The following UTRN variants were observed in gnomAD, a reference collection of about 807,000 sequenced individuals.
UTRN encodes dystrophin-related protein 1.
UTRN carries 283 observed loss-of-function variants against 463.9 expected under a neutral mutation model. The ratio of observed to expected loss-of-function variants is 0.61; its 90% confidence interval spans 0.55 to 0.67. The LOEUF (loss-of-function observed/expected upper bound fraction) is 0.67, where lower values mean the gene tolerates loss of function less well. UTRN is among the 30% of genes least tolerant of loss of function. The pLI is 0.00. For synonymous variants in UTRN, 1,442 were observed against 1,431.5 expected, an observed-to-expected ratio of 1.01 and a Z score of -0.17; for missense variants, 3,922 against 4,084.3, an observed-to-expected ratio of 0.96 and a Z score of 1.08.
At chr6:144,361,768 C>CTTT (rs200737117) in intron 2 of UTRN, among the ~76,000 whole-genome samples, 2 of 138,700 alleles carry the variant, frequency 1.4e-5, no homozygotes, top group African/African-American at 5.7e-5. Context: ...TTCTTTCTTT[C>CTTT]TTTCTTTTTT....
At chr6:144,353,289 T>C (rs773798639) in intron 2 of UTRN, among the ~76,000 whole-genome samples, 3 of 152,162 alleles carry the variant, frequency 2.0e-5, no homozygotes, top group Non-Finnish European at 4.4e-5. Flanking sequence ...TAATTTTTTG[T>C]ATTTTTAGTA....
chr6:144,755,855 T>C (rs1355716345), intron 57 of UTRN, among the ~76,000 whole-genome samples: 1 of 152,152 alleles, frequency 6.6e-6, no homozygotes, highest in Non-Finnish European at 1.5e-5. Context: ...TTTTTGTCAC[T>C]CTTGATAAAC....
At position 144,458,891 on chromosome 6, in the gene UTRN, T is replaced by C; in HGVS notation, c.2406T>C (p.Ala802=). ...RKIQLQEDIN[A]YFKQLDELEK... is the part of the protein sequence containing the mutation. ...TTCAGCTACAGGAAGATATAAATGC[T>C]TATTTCAAGCAGCTTGATGAGCTTG... The change falls in exon 20 of 75, where the codon GCT becomes GCC. Residue 802 remains alanine, a synonymous_variant. Transcript: ENST00000367545. 6.2e-7 allele frequency: 1 copy of C among 1,613,934 alleles called. No homozygotes were observed. The highest frequency in any genetic ancestry group is 8.5e-7 in the Non-Finnish European group (1 of 1,179,990).
chr6:144,587,244 T>C (rs985570911), intron 51 of UTRN, among the ~76,000 whole-genome samples: 8 of 152,284 alleles, frequency 5.3e-5, no homozygotes, highest in African/African-American at 1.9e-4. Context: ...TCTCAAAGTC[T>C]TCCCCGGAAT....
intron 64 of UTRN, among the ~76,000 whole-genome samples, chr6:144,798,632 A>G (rs914469146): frequency 6.6e-6 from 1 of 152,188 alleles, no homozygotes; most frequent in African/African-American, 2.4e-5. Flanking sequence ...TGAATATATT[A>G]TATTTCTCTA....
chr6:144,747,227 G>A (rs1381233609), intron 54 of UTRN, among the ~76,000 whole-genome samples: 2 of 152,198 alleles, frequency 1.3e-5, no homozygotes, highest in East Asian at 3.8e-4. Context: ...TGTGTTTTCT[G>A]TCTCAAATTA....
At chr6:144,505,629 G>T (rs528362384) in intron 34 of UTRN, among the ~76,000 whole-genome samples, 2 of 152,184 alleles carry the variant, frequency 1.3e-5, no homozygotes, top group Non-Finnish European at 2.9e-5. Flanking sequence ...TGTTTGTTAC[G>T]ATTTCTGTTC....
intron 9 of UTRN, among the ~76,000 whole-genome samples, chr6:144,432,575 G>A (rs1323624049): frequency 1.3e-5 from 2 of 152,166 alleles, no homozygotes; most frequent in African/African-American, 4.8e-5. Context: ...GTTGGGTGGG[G>A]GAAAACAGGA....
chr6:144,709,581 T>C lies in UTRN; in HGVS notation c.7809+9338T>C, dbSNP rs187856705. Among the ~76,000 whole-genome samples, 119 of 152,302 alleles carry C rather than the reference T, an allele frequency of 7.8e-4. 1 individual carries two copies. Among genetic ancestry groups the C allele is most frequent in the Non-Finnish European group, 4.6e-4 (31 of 68,026 alleles). On this transcript the variant is annotated intron_variant, in intron 53 of 74. Transcript: ENST00000367545. ...AGAAAGGGACCTTGTACTTGATTTC[T>C]AATTCATTCTCTAATCTTAAGGTAA... is the stretch of plus-strand genomic sequence containing the variant.
chr6:144,788,530 T>G (rs931200689), intron 61 of UTRN, among the ~76,000 whole-genome samples: 10 of 152,056 alleles, frequency 6.6e-5, no homozygotes, highest in African/African-American at 2.4e-4. Context: ...GAATCTTGCA[T>G]CTACAATTAT....
intron 52 of UTRN, among the ~76,000 whole-genome samples, chr6:144,694,068 G>A (rs1311360801): frequency 4.6e-5 from 7 of 151,926 alleles, no homozygotes; most frequent in Non-Finnish European, 7.4e-5. Flanking sequence ...TGTTCCTTCA[G>A]TATCTAGTTC....
intron 2 of UTRN, among the ~76,000 whole-genome samples, chr6:144,293,416 T>A (rs1253688938): frequency 6.6e-6 from 1 of 152,150 alleles, no homozygotes; most frequent in African/African-American, 2.4e-5. Flanking sequence ...CCCAAACTAT[T>A]TTAATTTAAA....
chr6:144,665,833 A>T (rs1324104682), intron 51 of UTRN, among the ~76,000 whole-genome samples: 1 of 152,132 alleles, frequency 6.6e-6, no homozygotes, highest in African/African-American at 2.4e-5. Context: ...TCTACATTAT[A>T]CTTACATTGT....
intron 34 of UTRN, 77 bp downstream of exon 34, chr6:144,499,504 C>A: frequency 8.1e-7 from 1 of 1,240,676 alleles, no homozygotes; most frequent in Non-Finnish European, 1.1e-6. Context: ...TGGTTGGATA[C>A]CATGTCCCTC....
At chr6:144,796,648 G>T (rs1158196299) in intron 63 of UTRN, among the ~76,000 whole-genome samples, 1 of 151,854 alleles carries the variant, frequency 6.6e-6, no homozygotes, top group Non-Finnish European at 1.5e-5. Context: ...AATGTTTACT[G>T]CATATAAAGA....
chr6:144,820,799 A>G (rs1380260735), intron 65 of UTRN, 83 bp from the exon 66 acceptor site: 9 of 1,496,558 alleles, frequency 6.0e-6, no homozygotes, highest in Admixed American at 4.4e-5. Context: ...AATTGCATCA[A>G]TTTACATCGG....
intron 65 of UTRN, among the ~76,000 whole-genome samples, chr6:144,812,217 G>A (rs1208625291): frequency 1.3e-5 from 2 of 149,754 alleles, no homozygotes; most frequent in African/African-American, 2.5e-5. Flanking sequence ...AGTTATTTAC[G>A]GGATTTAGGT....
chr6:144,419,341 T>C (rs1004906903), intron 3 of UTRN, among the ~76,000 whole-genome samples: 4 of 152,180 alleles, frequency 2.6e-5, no homozygotes, highest in Non-Finnish European at 5.9e-5. Context: ...AAAAGGCAGC[T>C]GGGAACAGAA....
At chr6:144,825,656 C>T (rs1780108556) in intron 66 of UTRN, among the ~76,000 whole-genome samples, 1 of 151,262 alleles carries the variant, frequency 6.6e-6, no homozygotes, top group South Asian at 2.1e-4. Context: ...TTGATTAAGA[C>T]AAAAAAAATA....
Sources: allele counts gnomAD v4.1 joint callset (sites outside exome capture counted in the v4.1 genomes callset), GRCh38; gene constraint gnomAD v4.1.1; transcripts MANE v1.5; gene names NCBI Gene and HGNC (gene_info 2026-07-23, HGNC 2026-07-21).